Variants in SLC7A2 observed in about 807,000 individuals in gnomAD.
SLC7A2 encodes solute carrier family 7 member 2, also known as cationic amino acid transporter 2.
Under a neutral mutation model 58.9 loss-of-function variants are expected in SLC7A2, and 48 were observed. The ratio of observed to expected loss-of-function variants is 0.82; its 90% CI spans 0.65 to 1.04. The LOEUF (loss-of-function observed/expected upper bound fraction) is 1.04. Ranked by LOEUF, SLC7A2 falls within the 50% of genes least tolerant of loss-of-function variation. SLC7A2 has a pLI of 0.00. For synonymous variants in SLC7A2, 363 were observed against 314.5 expected (o/e 1.15, Z -1.63); for missense variants, 1,029 against 818.8 (o/e 1.26, Z -3.13).
chr8:17,497,664 T>G (rs1425932495), intron 1 of SLC7A2, among the ~76,000 whole-genome samples: 1 of 152,206 alleles, frequency 6.6e-6, no homozygotes, highest in Non-Finnish European at 1.5e-5. Context: ...CTCCTGGCCC[T>G]GCACGCTGCC....
At chr8:17,500,232 A>C (rs1292614112) in intron 1 of SLC7A2, 1 of 152,248 alleles carries the variant, frequency 6.6e-6, no homozygotes, top group Non-Finnish European at 1.5e-5. Context: ...CAAAGCAAGT[A>C]ATTTACATGC....
chr8:17,564,188 T>C (rs1803157539), intron 12 of SLC7A2, among the ~76,000 whole-genome samples: 1 of 152,216 alleles, frequency 6.6e-6, no homozygotes, highest in Admixed American at 6.5e-5. Flanking sequence ...TCTTTGTTAA[T>C]ACAGAGTGTA....
chr8:17,565,292 C>T lies in SLC7A2; in HGVS notation c.*146C>T. The T allele has an allele frequency of 3.1e-6, 2 of 637,738 alleles. No homozygotes were observed. The highest frequency in any genetic ancestry group is 2.8e-5 in the East Asian group (1 of 35,764). 39.5% of individuals were successfully genotyped at this position (637,738 alleles called of 1,614,324 possible). A position where few individuals can be genotyped will look rare whatever the true frequency, so the allele number is the denominator to read the frequency against. On this transcript the variant is annotated 3_prime_UTR_variant, in exon 13 of 13. Coordinates refer to ENST00000494857, the MANE Select transcript of SLC7A2 (RefSeq NM_001370338.1). ...AATTTATACTTACTCATCTGGACAG[C>T]ATCTCCTCAGATGGTGAATTATGTG... is the stretch of plus-strand genomic sequence containing the variant.
chr8:17,527,404 GA>G (rs1801262765), intron 2 of SLC7A2, among the ~76,000 whole-genome samples: 1 of 152,106 alleles, frequency 6.6e-6, no homozygotes. Flanking sequence ...TGTGACAAAT[GA>G]ATAAATATAG....
At position 17,560,551 on chromosome 8, in the gene SLC7A2, C is replaced by T; in HGVS notation, c.1504+18C>T. On this transcript the variant is annotated intron_variant, in intron 10 of 12. Transcript: ENST00000494857. ...ATTCCTAGGTAAGTCTTCTTCTCTG[C>T]TTACATTGTACAGACCCAGAAGATG... 1 of 1,592,788 alleles carries T rather than the reference C, an allele frequency of 6.3e-7. No homozygotes were observed. Among genetic ancestry groups the T allele is most frequent in the Non-Finnish European group, 8.6e-7 (1 of 1,160,852 alleles).
chr8:17,553,969 T>G (rs1301236821), intron 7 of SLC7A2, among the ~76,000 whole-genome samples: 2 of 152,200 alleles, frequency 1.3e-5, no homozygotes, highest in African/African-American at 4.8e-5. Flanking sequence ...CACATCTGTA[T>G]ACTACATTTA....
At chr8:17,552,207 C>T (rs1197320233) in intron 7 of SLC7A2, among the ~76,000 whole-genome samples, 1 of 152,114 alleles carries the variant, frequency 6.6e-6, no homozygotes, top group Non-Finnish European at 1.5e-5. Flanking sequence ...AGTGATGGTC[C>T]AGGCTTCAGT....
At chr8:17,500,987 G>A (rs13282525) in intron 1 of SLC7A2, among the ~76,000 whole-genome samples, 9,448 of 149,206 alleles carry the variant, frequency 0.063, 349 homozygotes, top group South Asian at 0.12. Flanking sequence ...GCAGTATGCT[G>A]TTGCTTTTCA....
At chr8:17,537,701 G>T (rs1454249922) in intron 2 of SLC7A2, among the ~76,000 whole-genome samples, 1 of 152,082 alleles carries the variant, frequency 6.6e-6, no homozygotes, top group Non-Finnish European at 1.5e-5. Flanking sequence ...TGGGGAGAGG[G>T]AACAGGTTGT....
intron 2 of SLC7A2, among the ~76,000 whole-genome samples, chr8:17,523,484 A>C (rs1018037954): frequency 6.6e-6 from 1 of 152,210 alleles, no homozygotes; most frequent in African/African-American, 2.4e-5. Flanking sequence ...ACTAATCTTC[A>C]ACAAAGCAAA....
Position 17,568,131 on chromosome 8 carries a change from C to T in SLC7A2, c.*2985C>T, listed in dbSNP as rs1040256506. ...TAATTAAGAAATACATATGCAAATT[C>T]TTTTGTGATTGAGTAAAAGCAGCTT... On this transcript the variant is annotated 3_prime_UTR_variant, in exon 13 of 13. Coordinates refer to ENST00000494857, the MANE Select transcript of SLC7A2 (RefSeq NM_001370338.1). 1.3e-5 allele frequency: 2 copies of T among 151,906 alleles called. No individual in the cohort carries two copies. Among genetic ancestry groups the T allele is most frequent in the African/African-American group, 4.8e-5 (2 of 41,354 alleles). The allele number at this position is 151,906 out of a possible 1,614,324, so 9.4% of individuals were successfully genotyped here. A position where few individuals can be genotyped will look rare whatever the true frequency, so the allele number is the denominator to read the frequency against.
At chr8:17,514,696 C>G (rs535698064) in intron 2 of SLC7A2, among the ~76,000 whole-genome samples, 1 of 152,194 alleles carries the variant, frequency 6.6e-6, no homozygotes, top group South Asian at 2.1e-4. Flanking sequence ...TTGATTCAGC[C>G]AAAGATGATG....
chr8:17,559,239 C>T (rs1585267017), intron 9 of SLC7A2, among the ~76,000 whole-genome samples: 1 of 152,122 alleles, frequency 6.6e-6, no homozygotes, highest in Non-Finnish European at 1.5e-5. Context: ...TCTCGTGCTG[C>T]TAATAAAGAC....
chr8:17,509,066 C>T (rs1483577553), intron 2 of SLC7A2, among the ~76,000 whole-genome samples: 1 of 152,118 alleles, frequency 6.6e-6, no homozygotes, highest in Non-Finnish European at 1.5e-5. Flanking sequence ...GGAGTGGGGA[C>T]TGTAGACATC....
chr8:17,510,324 C>A (rs777096835), intron 2 of SLC7A2, among the ~76,000 whole-genome samples: 1 of 152,068 alleles, frequency 6.6e-6, no homozygotes, highest in African/African-American at 2.4e-5. Context: ...TAACTGATAA[C>A]ATAAATGACA....
At position 17,531,920 on chromosome 8, in the gene SLC7A2, A is replaced by C. The variant is rs1373550953; in HGVS notation, c.-22-11398A>C. Among the ~76,000 whole-genome samples the C allele has an allele frequency of 2.0e-5, 3 of 152,144 alleles. No homozygotes were observed. In the East Asian group the frequency reaches 5.8e-4, roughly 29 times the overall value. ...TCAAAATGAGTCTTAAAGATTATGG[A>C]TATTTCTTAGTTAATAAAAAAATGT... On this transcript the variant is annotated intron_variant, in intron 2 of 12. Coordinates refer to ENST00000494857, the MANE Select transcript of SLC7A2 (RefSeq NM_001370338.1).
At chr8:17,544,797 G>T (rs774183661) in intron 4 of SLC7A2, among the ~76,000 whole-genome samples, 191 bp downstream of exon 4, 1 of 152,182 alleles carries the variant, frequency 6.6e-6, no homozygotes, top group Non-Finnish European at 1.5e-5. Flanking sequence ...TAAATTGTGT[G>T]CAATGGTAAA....
chr8:17,555,508 C>T (rs765534695), intron 8 of SLC7A2, among the ~76,000 whole-genome samples: 2 of 151,938 alleles, frequency 1.3e-5, no homozygotes, highest in African/African-American at 2.4e-5. Context: ...CTAGGATATA[C>T]GTCGAATATT....
chr8:17,543,910 C>G (rs187179205), intron 3 of SLC7A2, among the ~76,000 whole-genome samples, 195 bp downstream of exon 3: 5 of 152,228 alleles, frequency 3.3e-5, no homozygotes, highest in Non-Finnish European at 7.4e-5. Context: ...CTCTGTCGCC[C>G]AGGCTTGAAG....
Sources: gnomAD v4.1 joint callset for allele counts (sites outside exome capture counted in the v4.1 genomes callset) on GRCh38, gnomAD v4.1.1 for gene constraint, MANE v1.5 for transcripts, NCBI Gene and HGNC (gene_info 2026-07-23, HGNC 2026-07-21) for gene names.